The following CNTN5 variants were observed in gnomAD, a reference collection of about 807,000 sequenced individuals.
CNTN5 encodes contactin 5.
In CNTN5, 77 loss-of-function variants were observed where a neutral mutation model predicts 129.1. The observed-to-expected ratio is 0.60, with a 90% CI of 0.50 to 0.72. The LOEUF is 0.72. CNTN5 is among the 30% of genes least tolerant of loss of function. The pLI is 0.00. For synonymous variants in CNTN5, 509 were observed against 465.6 expected, an observed-to-expected ratio of 1.09 and a Z score of -1.20; for missense variants, 1,478 against 1,328.8, an observed-to-expected ratio of 1.11 and a Z score of -1.75.
intron 1 of CNTN5, among the ~76,000 whole-genome samples, chr11:99,297,885 G>T (rs1591486797): frequency 6.6e-6 from 1 of 152,166 alleles, no homozygotes; most frequent in Non-Finnish European, 1.5e-5. Context: ...GATGTAAGAG[G>T]TCTCTAACTG....
At chr11:100,123,121 C>T (rs1010959544) in intron 13 of CNTN5, among the ~76,000 whole-genome samples, 11 of 151,602 alleles carry the variant, frequency 7.3e-5, no homozygotes, top group African/African-American at 1.9e-4. Context: ...GTTTTTATTC[C>T]GATACTATTT....
intron 2 of CNTN5, among the ~76,000 whole-genome samples, chr11:99,543,260 C>A (rs1948173760): frequency 6.6e-6 from 1 of 152,118 alleles, no homozygotes; most frequent in Non-Finnish European, 1.5e-5. Flanking sequence ...TGAACAATAG[C>A]ACAAGAATAG....
At chr11:100,291,200 C>T (rs1200908385) in intron 18 of CNTN5, among the ~76,000 whole-genome samples, 1 of 150,246 alleles carries the variant, frequency 6.7e-6, no homozygotes, top group African/African-American at 2.4e-5. Flanking sequence ...GTCAGTGTGG[C>T]GATTCCTCAG....
intron 9 of CNTN5, among the ~76,000 whole-genome samples, chr11:100,029,023 T>G (rs1941569647): frequency 6.6e-6 from 1 of 151,982 alleles, no homozygotes; most frequent in Admixed American, 6.6e-5. Flanking sequence ...GGCCACAAAA[T>G]TTAAAAACTT....
chr11:99,230,131 A>G (rs1261178699), intron 1 of CNTN5, among the ~76,000 whole-genome samples: 2 of 152,004 alleles, frequency 1.3e-5, no homozygotes, highest in East Asian at 1.9e-4. Context: ...TACTTAAAAG[A>G]GATTAGAAGC....
chr11:99,552,648 C>T (rs1423992226), intron 2 of CNTN5, among the ~76,000 whole-genome samples: 2 of 152,088 alleles, frequency 1.3e-5, no homozygotes, highest in Non-Finnish European at 2.9e-5. Flanking sequence ...ATGTGCTTGG[C>T]ATGCTTGAGG....
intron 1 of CNTN5, among the ~76,000 whole-genome samples, chr11:99,310,669 T>A (rs1357969764): frequency 6.6e-6 from 1 of 152,196 alleles, no homozygotes; most frequent in African/African-American, 2.4e-5. Flanking sequence ...TTTGTGATAC[T>A]TTTATTCAAT....
At chr11:99,197,648 T>C (rs1249665545) in intron 1 of CNTN5, among the ~76,000 whole-genome samples, 2 of 152,046 alleles carry the variant, frequency 1.3e-5, no homozygotes, top group African/African-American at 2.4e-5. Flanking sequence ...ACAGCAAGAA[T>C]GTCACCCTGA....
intron 13 of CNTN5, among the ~76,000 whole-genome samples, chr11:100,151,833 T>C (rs1338108120): frequency 6.6e-6 from 1 of 152,200 alleles, no homozygotes; most frequent in African/African-American, 2.4e-5. Flanking sequence ...AGCTACACTG[T>C]GATAGGTTTA....
chr11:99,566,895 G>A (rs1949023082), intron 3 of CNTN5, among the ~76,000 whole-genome samples: 2 of 152,228 alleles, frequency 1.3e-5, no homozygotes, highest in South Asian at 4.2e-4. Flanking sequence ...CTCAGTACTA[G>A]CATATATTTT....
At chr11:99,817,782 T>C (rs1015216050) in intron 3 of CNTN5, among the ~76,000 whole-genome samples, 1 of 152,066 alleles carries the variant, frequency 6.6e-6, no homozygotes, top group African/African-American at 2.4e-5. Context: ...TTTAATTCCA[T>C]GTTTTAAAGG....
chr11:99,354,030 A>T (rs1938474768), intron 2 of CNTN5, among the ~76,000 whole-genome samples: 2 of 152,204 alleles, frequency 1.3e-5, no homozygotes, highest in Admixed American at 1.3e-4. Context: ...CATATGCTAT[A>T]TAATTCATAG....
chr11:99,481,913 G>T (rs1945616724), intron 2 of CNTN5, among the ~76,000 whole-genome samples: 1 of 152,080 alleles, frequency 6.6e-6, no homozygotes, highest in Non-Finnish European at 1.5e-5. Flanking sequence ...GGGAAGAGAT[G>T]ATATTTTCTT....
At chr11:99,639,292 C>T (rs980247843) in intron 3 of CNTN5, among the ~76,000 whole-genome samples, 3 of 152,148 alleles carry the variant, frequency 2.0e-5, no homozygotes, top group Admixed American at 2.0e-4. Context: ...CCCATGAAAC[C>T]ACTTTTTCCT....
At chr11:100,070,179 AAAG>A (rs1208240559) in intron 10 of CNTN5, among the ~76,000 whole-genome samples, 31 of 151,806 alleles carry the variant, frequency 2.0e-4, no homozygotes, top group East Asian at 7.8e-4. Flanking sequence ...AAAAAAAAAA[AAAG>A]AAGAAGAAGA....
intron 3 of CNTN5, among the ~76,000 whole-genome samples, chr11:99,652,254 T>G (rs57783929): frequency 0.013 from 1,905 of 152,128 alleles, 45 homozygotes; most frequent in African/African-American, 0.042. Context: ...CCTCAGGCCT[T>G]AGTCATATAG....
chr11:100,256,988 G>A (rs946560152), intron 17 of CNTN5, among the ~76,000 whole-genome samples: 1 of 152,128 alleles, frequency 6.6e-6, no homozygotes, highest in African/African-American at 2.4e-5. Context: ...TGAAGCCAGA[G>A]AGCCAAGTGG....
intron 3 of CNTN5, among the ~76,000 whole-genome samples, chr11:99,710,963 T>C (rs1954961148): frequency 6.6e-6 from 1 of 152,086 alleles, no homozygotes; most frequent in Non-Finnish European, 1.5e-5. Context: ...GATTTTCAAA[T>C]ATGCAAAGGA....
chr11:99,403,349 A>G (rs1302940051), intron 2 of CNTN5, among the ~76,000 whole-genome samples: 8 of 151,586 alleles, frequency 5.3e-5, no homozygotes, highest in African/African-American at 1.9e-4. Context: ...CTTTTGTATT[A>G]TTTTCATTTA....
Sources: gnomAD v4.1 joint callset for allele counts (sites outside exome capture counted in the v4.1 genomes callset) on GRCh38, gnomAD v4.1.1 for gene constraint, MANE v1.5 for transcripts, NCBI Gene and HGNC (gene_info 2026-07-23, HGNC 2026-07-21) for gene names.